DNAH8: variants seen among roughly 807,000 people sequenced by gnomAD.
DNAH8 encodes the protein axonemal beta dynein heavy chain 8.
Under a neutral mutation model 562.1 loss-of-function variants are expected in DNAH8, and 382 were observed. The observed-to-expected ratio is 0.68, with a 90% CI of 0.63 to 0.74. The LOEUF is 0.74. DNAH8 is among the 30% of genes least tolerant of loss of function. The probability of loss-of-function intolerance (pLI) is 0.00; values close to 1 mark genes in which losing one functional copy is unlikely to be tolerated. For missense variants in DNAH8, 5,203 were observed against 5,620.4 expected (o/e 0.93, Z 2.37); for synonymous variants, 1,881 against 1,919.4 (o/e 0.98, Z 0.52).
intron 3 of DNAH8, among the ~76,000 whole-genome samples, chr6:38,725,339 A>AATAATAATAAG: frequency 1.9e-5 from 1 of 51,838 alleles, no homozygotes; most frequent in African/African-American, 6.9e-5. Context: ...ATAATAATAA[A>AATAATAATAAG]GAGCTACTCC....
chr6:38,715,958 ATATTTT>A (rs1386088991), intron 1 of DNAH8, among the ~76,000 whole-genome samples: 1 of 31,046 alleles, frequency 3.2e-5, no homozygotes, highest in African/African-American at 2.2e-4. Flanking sequence ...ATATATATAT[ATATTTT>A]TTTTTTTTTT....
chr6:38,745,959 G>A (rs997868799), intron 8 of DNAH8, among the ~76,000 whole-genome samples: 1 of 152,162 alleles, frequency 6.6e-6, no homozygotes, highest in African/African-American at 2.4e-5. Flanking sequence ...TTTAGTTAGG[G>A]TGGAATTTGC....
intron 79 of DNAH8, among the ~76,000 whole-genome samples, chr6:38,943,483 GT>G (rs58893645): frequency 4.0e-5 from 6 of 151,796 alleles, no homozygotes; most frequent in Non-Finnish European, 8.8e-5. Context: ...AGAGTGACAG[GT>G]TTTTTTTGTT....
At chr6:38,838,987 T>C (rs966024280) in intron 33 of DNAH8, among the ~76,000 whole-genome samples, 1 of 152,204 alleles carries the variant, frequency 6.6e-6, no homozygotes, top group African/African-American at 2.4e-5. Context: ...AAAATAGACA[T>C]GAAATTTTCT....
chr6:38,807,693 GA>G lies in DNAH8; in HGVS notation c.3238del (p.Arg1080GlufsTer21). 6.6e-7 allele frequency: 1 copy of G among 1,525,836 alleles called. No individual in the cohort carries two copies. The highest frequency in any genetic ancestry group is 8.8e-7 in the Non-Finnish European group (1 of 1,140,022). 94.5% of individuals were successfully genotyped at this position (1,525,836 alleles called of 1,614,324 possible). On this transcript the variant is annotated frameshift_variant, in exon 24 of 93. Transcript: ENST00000327475. LOFTEE classifies it high-confidence loss of function. ...CTACACGGTTATCTCTGGACACAAT[GA>G]AAAGAAGAATATTTGTTGCAAGGCA... The part of the protein sequence containing the change: ...KATRLSLDTM[K>X]RRIFVASLYG...
intron 58 of DNAH8, among the ~76,000 whole-genome samples, chr6:38,893,671 A>G (rs1022066073): frequency 6.6e-6 from 1 of 152,140 alleles, no homozygotes; most frequent in Non-Finnish European, 1.5e-5. Context: ...CACTTCTTTT[A>G]TTTTCATCTC....
intron 12 of DNAH8, among the ~76,000 whole-genome samples, chr6:38,771,787 C>T (rs1767600703): frequency 6.6e-6 from 1 of 152,106 alleles, no homozygotes; most frequent in Non-Finnish European, 1.5e-5. Flanking sequence ...TTCTACTCAT[C>T]AGTTGATGAA....
At chr6:38,833,172 C>A (rs1028708215) in intron 31 of DNAH8, among the ~76,000 whole-genome samples, 6 of 151,800 alleles carry the variant, frequency 4.0e-5, no homozygotes, top group African/African-American at 1.5e-4. Flanking sequence ...CTGAAATATT[C>A]TTTCTTTTAG....
At chr6:38,779,273 A>G (rs1224579074) in intron 14 of DNAH8, among the ~76,000 whole-genome samples, 2 of 152,166 alleles carry the variant, frequency 1.3e-5, no homozygotes, top group Admixed American at 6.5e-5. Flanking sequence ...ACCATTGTAA[A>G]AAAAGTCAAA....
chr6:38,975,672 T>C (rs997311614), intron 85 of DNAH8, among the ~76,000 whole-genome samples: 3 of 152,194 alleles, frequency 2.0e-5, no homozygotes, highest in Non-Finnish European at 4.4e-5. Flanking sequence ...CTAAGTTCCA[T>C]TGTGGCCTTT....
intron 40 of DNAH8, 104 bp downstream of exon 40, chr6:38,852,902 T>C (rs1034922518): frequency 2.0e-5 from 17 of 851,544 alleles, no homozygotes; most frequent in Non-Finnish European, 3.0e-5. Context: ...GAGGGAGTTC[T>C]CATTCTACAG....
chr6:38,744,558 T>A (rs1043899444), intron 8 of DNAH8, among the ~76,000 whole-genome samples: 5 of 152,148 alleles, frequency 3.3e-5, no homozygotes, highest in African/African-American at 1.2e-4. Context: ...TTTAGAAAAA[T>A]TCAGACATTG....
At chr6:38,841,452 C>T (rs1738190) in intron 33 of DNAH8, among the ~76,000 whole-genome samples, 27,495 of 151,948 alleles carry the variant, frequency 0.18, 2,833 homozygotes, top group East Asian at 0.29. Flanking sequence ...AAAGATAGAA[C>T]GACTTTTACT....
At chr6:38,899,367 A>G (rs1446639321) in intron 61 of DNAH8, among the ~76,000 whole-genome samples, 2 of 152,246 alleles carry the variant, frequency 1.3e-5, no homozygotes, top group Non-Finnish European at 2.9e-5. Context: ...TTAGGTGTCT[A>G]CATGATTCAG....
In DNAH8 at chr6:38,982,515, G is replaced by A. The variant is rs142504276; in HGVS notation, c.12951+53G>A. On this transcript the variant is annotated intron_variant, in intron 86 of 92. Transcript: ENST00000327475. Reference sequence around the variant, plus strand: ...TTTTTATTGCTCTTCTTAAATCAGGGTTCTACAGTCATTTGAAGTCTATGA... The same window carrying A: ...TTTTTATTGCTCTTCTTAAATCAGGATTCTACAGTCATTTGAAGTCTATGA... The A allele has an allele frequency of 7.2e-6, 7 of 973,668 alleles. 1 individual carries two copies. In the African/African-American group the frequency reaches 9.6e-5, roughly 13 times the overall value. The allele number at this position is 973,668 out of a possible 1,614,324, so 60.3% of individuals were successfully genotyped here.
rs113678890 is a variant in DNAH8, at chr6:39,026,361, C to T, written c.13715-185C>T. Among the ~76,000 whole-genome samples, 1,390 of 152,282 alleles carry T rather than the reference C, an allele frequency of 9.1e-3. 24 individuals carry two copies. The highest frequency in any genetic ancestry group is 0.031 in the African/African-American group (1,268 of 41,540). On this transcript the variant is annotated intron_variant, in intron 91 of 92. Coordinates refer to ENST00000327475, the MANE Select transcript of DNAH8 (RefSeq NM_001206927.2). ...GTCAGCAGGCGAGAAAGATTTAGCT[C>T]ATTGCAGGTCCCCACAGAAACGAAA...
At chr6:38,851,769 A>T (rs1775767674) in intron 39 of DNAH8, 95 bp downstream of exon 39, 1 of 808,622 alleles carries the variant, frequency 1.2e-6, no homozygotes, top group Non-Finnish European at 2.1e-6. Context: ...TGCAGGCAGG[A>T]AAGAAGAGTA....
chr6:38,932,183 A>ACACACACACAC (rs1782597400), intron 76 of DNAH8, among the ~76,000 whole-genome samples, 190 bp downstream of exon 76: 1 of 139,784 alleles, frequency 7.2e-6, no homozygotes, highest in Non-Finnish European at 1.5e-5. Flanking sequence ...TCCAGCCTGA[A>ACACACACACAC]ACACACACAC....
chr6:38,777,244 A>G (rs1228306882), intron 13 of DNAH8, among the ~76,000 whole-genome samples: 1 of 152,106 alleles, frequency 6.6e-6, no homozygotes, highest in Non-Finnish European at 1.5e-5. Flanking sequence ...CGAAAGTTAA[A>G]TCTTTATGGC....
Sources: allele counts gnomAD v4.1 joint callset (sites outside exome capture counted in the v4.1 genomes callset), GRCh38; gene constraint gnomAD v4.1.1; transcripts MANE v1.5; gene names NCBI Gene and HGNC (gene_info 2026-07-23, HGNC 2026-07-21).